Variants in M1AP observed in about 807,000 individuals in gnomAD.
M1AP encodes the protein meiosis 1 associated protein.
M1AP carries 39 observed loss-of-function variants against 51.2 expected under a neutral mutation model. The ratio of observed to expected loss-of-function variants is 0.76; its 90% CI spans 0.59 to 1.00. The LOEUF (loss-of-function observed/expected upper bound fraction) is 1.00. Ranked by LOEUF, M1AP falls within the 50% of genes least tolerant of loss-of-function variation. M1AP has a pLI of 0.00. For missense variants in M1AP, 545 were observed against 641.2 expected, an observed-to-expected ratio of 0.85 and a Z score of 1.62; for synonymous variants, 251 against 249.2, an observed-to-expected ratio of 1.01 and a Z score of -0.07.
At chr2:74,646,082 T>C (rs938130893) in intron 1 of M1AP, among the ~76,000 whole-genome samples, 3 of 152,234 alleles carry the variant, frequency 2.0e-5, no homozygotes, top group African/African-American at 7.2e-5. Context: ...TGATATAATA[T>C]AGTGATCAGT....
At chr2:74,646,921 A>G (rs1413668119) in intron 1 of M1AP, among the ~76,000 whole-genome samples, 1 of 152,158 alleles carries the variant, frequency 6.6e-6, no homozygotes, top group Non-Finnish European at 1.5e-5. Flanking sequence ...TAAATGAGGT[A>G]AGAGGCAGCT....
intron 4 of M1AP, among the ~76,000 whole-genome samples, chr2:74,601,528 T>G (rs1390127967): frequency 1.3e-5 from 2 of 152,126 alleles, no homozygotes; most frequent in Admixed American, 1.3e-4. Flanking sequence ...TATGCCTCTA[T>G]AATGTTTACA....
At chr2:74,596,460 T>C (rs1215140572) in intron 4 of M1AP, among the ~76,000 whole-genome samples, 3 of 152,100 alleles carry the variant, frequency 2.0e-5, no homozygotes, top group Admixed American at 2.0e-4. Flanking sequence ...CGGGCACCTG[T>C]AGTCCCAGCT....
intron 4 of M1AP, among the ~76,000 whole-genome samples, chr2:74,594,197 T>A (rs1204574776): frequency 1.3e-5 from 2 of 151,896 alleles, no homozygotes; most frequent in Non-Finnish European, 2.9e-5. Context: ...GAATCCAGAG[T>A]CTTTATAACA....
chr2:74,559,332 TG>T lies in M1AP; in HGVS notation c.1434+365del, dbSNP rs528167202. 2.0e-5 allele frequency among the ~76,000 whole-genome samples: 3 copies of T among 152,162 alleles called. No homozygotes were observed. In the South Asian group the frequency reaches 6.2e-4, roughly 32 times the overall value. ...ACTACCACTCCTGGCTAATTTTTTT[TG>T]TATTTTTGTAGAGACGAGGTTTTGC... On this transcript the variant is annotated intron_variant, in intron 10 of 10. Coordinates refer to ENST00000421985, the MANE Select transcript of M1AP (RefSeq NM_001321739.2).
intron 4 of M1AP, among the ~76,000 whole-genome samples, chr2:74,602,084 T>C (rs758182637): frequency 1.3e-5 from 2 of 152,198 alleles, no homozygotes; most frequent in Non-Finnish European, 2.9e-5. Flanking sequence ...ATTTAAGAAG[T>C]GTTTGAATCA....
intron 2 of M1AP, among the ~76,000 whole-genome samples, chr2:74,636,910 A>G (rs929197585): frequency 3.9e-5 from 6 of 152,166 alleles, no homozygotes; most frequent in Non-Finnish European, 8.8e-5. Flanking sequence ...TAGTTTTTAC[A>G]TGATGTGCCT....
chr2:74,588,143 T>A (rs754838687), intron 4 of M1AP, among the ~76,000 whole-genome samples: 10 of 152,196 alleles, frequency 6.6e-5, no homozygotes, highest in Admixed American at 1.3e-4. Flanking sequence ...CCTGACCTGT[T>A]CCTTTCCGAA....
intron 4 of M1AP, among the ~76,000 whole-genome samples, chr2:74,585,147 T>A (rs935911310): frequency 6.6e-6 from 1 of 152,086 alleles, no homozygotes; most frequent in African/African-American, 2.4e-5. Context: ...CCAGCCTATA[T>A]TGGCATATCT....
chr2:74,622,381 G>A (rs921678791), intron 2 of M1AP, among the ~76,000 whole-genome samples: 3 of 151,926 alleles, frequency 2.0e-5, no homozygotes, highest in African/African-American at 7.2e-5. Context: ...TGGGATTATA[G>A]GTGGCTGCCA....
chr2:74,592,285 T>A (rs1680092310), intron 4 of M1AP, among the ~76,000 whole-genome samples: 1 of 152,180 alleles, frequency 6.6e-6, no homozygotes, highest in Non-Finnish European at 1.5e-5. Context: ...TGTTTAAAAA[T>A]AAACACATGC....
chr2:74,615,437 G>A, intron 2 of M1AP: 1 of 334,860 alleles, frequency 3.0e-6, no homozygotes, highest in South Asian at 3.7e-5. Flanking sequence ...AAATCCAGTT[G>A]TGTGACTGCT....
chr2:74,647,539 G>C (rs966144838), intron 1 of M1AP: 3 of 322,842 alleles, frequency 9.3e-6, no homozygotes, highest in African/African-American at 6.8e-5. Context: ...TCCCCCTCCT[G>C]ATGTGAGAAA....
chr2:74,559,797 C>T lies in M1AP; in HGVS notation c.1423-88G>A. 4 of 708,844 alleles carry T rather than the reference C, an allele frequency of 5.6e-6. No homozygotes were observed. The East Asian group carries it at 8.1e-5, about 14-fold the overall frequency. The allele number at this position is 708,844 out of a possible 1,614,324, so 43.9% of individuals were successfully genotyped here. On this transcript the variant is annotated intron_variant, in intron 9 of 10. Transcript: ENST00000421985. ...TGGTGCTCTATAAATATTAATTTCC[C>T]ATCCCTTGGGCATTTCTTTTCCCAC...
rs563816801 is a variant in M1AP, at chr2:74,615,046, G to A, written c.344C>T (p.Ala115Val). 26 of 1,614,094 alleles carry A rather than the reference G, an allele frequency of 1.6e-5. No individual in the cohort carries two copies. In the South Asian group the frequency reaches 2.6e-4, roughly 16 times the overall value. Residue 115 changes from alanine to valine, a missense_variant, in exon 3 of 11, where the codon GCA becomes GTA. Ala to Val is a moderately conservative substitution (Grantham distance 64, BLOSUM62 0). Coordinates refer to ENST00000421985, the MANE Select transcript of M1AP (RefSeq NM_001321739.2). ...FRSQGASLRLAVEDGLQQFKQ... is the reference protein window; with the variant it reads ...FRSQGASLRLVVEDGLQQFKQ... ...GAATTGCTGGAGCCCATCCTCTACT[G>A]CCAGCCGCAGAGAAGCACCTTGTGA...
At chr2:74,643,523 A>G (rs1354949163) in intron 1 of M1AP, among the ~76,000 whole-genome samples, 2 of 152,074 alleles carry the variant, frequency 1.3e-5, no homozygotes, top group Non-Finnish European at 2.9e-5. Context: ...GATTTTCCCT[A>G]GGAAAGAATG....
rs141012627 is a variant in M1AP, at chr2:74,560,311, G to C, written c.1282-20C>G. ...CATGCTCTGAGGAAAAGAGAGGAGG[G>C]GCCTCACTAGGGAACTTAAGATCAC... On this transcript the variant is annotated intron_variant, in intron 8 of 10. Transcript: ENST00000421985. The C allele has an allele frequency of 0.011, 17,728 of 1,565,816 alleles. 118 individuals are homozygous for C. Among genetic ancestry groups the C allele is most frequent in the Non-Finnish European group, 0.013 (15,225 of 1,157,472 alleles).
At position 74,561,205 on chromosome 2, in the gene M1AP, GAGGAGGAGGAGAAGGAGGAGGAGGAGA is replaced by G. The variant is rs1558643858; in HGVS notation, c.1282-941_1282-915del. 6.7e-3 allele frequency among the ~76,000 whole-genome samples: 929 copies of G among 139,672 alleles called. 1 individual carries two copies. Among genetic ancestry groups the G allele is most frequent in the African/African-American group, 0.023 (811 of 35,406 alleles). 91.6% of individuals were successfully genotyped at this position (139,672 alleles called of 152,430 possible). ...GGAGAAGGAGGAGGAGGAGAAGGAG[GAGGAGGAGGAGAAGGAGGAGGAGGAGA>G]AGGAGGAGGAGGAGGAGGAGGAGGA... On this transcript the variant is annotated intron_variant, in intron 8 of 10. Transcript: ENST00000421985.
chr2:74,639,551 T>C (rs1209865546), intron 2 of M1AP, among the ~76,000 whole-genome samples: 2 of 152,172 alleles, frequency 1.3e-5, no homozygotes, highest in Non-Finnish European at 2.9e-5. Context: ...TTCACCTGAG[T>C]CTATGTGGAA....
Sources: gnomAD v4.1 joint callset for allele counts (sites outside exome capture counted in the v4.1 genomes callset) on GRCh38, gnomAD v4.1.1 for gene constraint, MANE v1.5 for transcripts, NCBI Gene and HGNC (gene_info 2026-07-23, HGNC 2026-07-21) for gene names.